The following PPP1R12A variants were observed in gnomAD, a reference collection of about 807,000 sequenced individuals.
The protein encoded by PPP1R12A is myosin binding subunit.
In PPP1R12A, 19 loss-of-function variants were observed where a neutral mutation model predicts 139.6. The ratio of observed to expected loss-of-function variants is 0.14; its 90% confidence interval spans 0.09 to 0.20. The LOEUF (loss-of-function observed/expected upper bound fraction) is 0.20. Among genes scored for constraint, PPP1R12A ranks in the 10% least tolerant of loss-of-function variants. PPP1R12A has a pLI of 1.00. For synonymous variants in PPP1R12A, 427 were observed against 420.6 expected (o/e 1.02, Z -0.19); for missense variants, 925 against 1,211.5 (o/e 0.76, Z 3.51).
chr12:79,789,778 CTT>C (rs5799442), intron 20 of PPP1R12A: 38,650 of 309,002 alleles, frequency 0.13, 1 homozygote, highest in South Asian at 0.18. Context: ...TTAGGTGACA[CTT>C]TTTTTTTTTT....
chr12:79,791,163 G>T (rs373163644), intron 19 of PPP1R12A, among the ~76,000 whole-genome samples: 2 of 152,068 alleles, frequency 1.3e-5, no homozygotes, highest in South Asian at 4.1e-4. Context: ...ATCAAATTCA[G>T]TAAAATGGCC....
intron 1 of PPP1R12A, among the ~76,000 whole-genome samples, chr12:79,907,853 C>T (rs1320822397): frequency 6.6e-6 from 1 of 152,166 alleles, no homozygotes. Context: ...AATTATGATC[C>T]TGCTGCTGTA....
intron 7 of PPP1R12A, 61 bp from the exon 8 acceptor site, chr12:79,820,992 C>A: frequency 6.3e-7 from 1 of 1,599,070 alleles, no homozygotes; most frequent in Non-Finnish European, 8.6e-7. Flanking sequence ...TATATTCATT[C>A]TTCCCAGATC....
chr12:79,809,560 G>A (rs6539474), intron 10 of PPP1R12A, among the ~76,000 whole-genome samples: 121,660 of 152,092 alleles, frequency 0.8, 50,571 homozygotes, highest in Non-Finnish European at 0.92. Flanking sequence ...CTCAAGTAAG[G>A]TAATAGATTC....
chr12:79,905,755 T>C (rs1044636882), intron 1 of PPP1R12A, among the ~76,000 whole-genome samples: 2 of 152,210 alleles, frequency 1.3e-5, no homozygotes, highest in African/African-American at 4.8e-5. Context: ...GAAGAAATCA[T>C]TGAATTGTGG....
At chr12:79,910,696 C>G (rs1291577208) in intron 1 of PPP1R12A, among the ~76,000 whole-genome samples, 3 of 152,122 alleles carry the variant, frequency 2.0e-5, no homozygotes, top group African/African-American at 4.8e-5. Context: ...ATAAACACAT[C>G]TAATTTCAAA....
At chr12:79,776,048 C>A (rs376089192) in intron 24 of PPP1R12A, 33 bp from the exon 25 acceptor site, 15 of 1,235,968 alleles carry the variant, frequency 1.2e-5, no homozygotes, top group Non-Finnish European at 1.6e-5. Flanking sequence ...TCAAGTTTTA[C>A]CTTCAATATT....
At chr12:79,842,482 T>G (rs1408078366) in intron 3 of PPP1R12A, among the ~76,000 whole-genome samples, 2 of 152,088 alleles carry the variant, frequency 1.3e-5, no homozygotes, top group African/African-American at 4.8e-5. Flanking sequence ...TTTCATACCA[T>G]TCCTCTATCA....
chr12:79,885,795 T>C (rs940038530), intron 1 of PPP1R12A, among the ~76,000 whole-genome samples: 3 of 152,184 alleles, frequency 2.0e-5, no homozygotes, highest in Admixed American at 2.0e-4. Context: ...ATAGGCAAAT[T>C]AGTTTGAATT....
chr12:79,838,289 C>T (rs1878322701), intron 3 of PPP1R12A, among the ~76,000 whole-genome samples: 1 of 152,156 alleles, frequency 6.6e-6, no homozygotes, highest in Non-Finnish European at 1.5e-5. Context: ...TTTAGGGTAT[C>T]TGATGAAAGA....
At chr12:79,847,585 C>A (rs1437919886) in intron 2 of PPP1R12A, among the ~76,000 whole-genome samples, 2 of 151,898 alleles carry the variant, frequency 1.3e-5, no homozygotes, top group African/African-American at 4.8e-5. Context: ...ATGCATCTGG[C>A]ACTATGTTAC....
chr12:79,860,008 G>A (rs900481192), intron 2 of PPP1R12A, among the ~76,000 whole-genome samples: 1 of 152,116 alleles, frequency 6.6e-6, no homozygotes, highest in African/African-American at 2.4e-5. Flanking sequence ...GAAGAAAAAT[G>A]CGTTAAGTGC....
chr12:79,841,068 A>AAAG (rs1555214907), intron 3 of PPP1R12A, among the ~76,000 whole-genome samples: 1 of 150,108 alleles, frequency 6.7e-6, no homozygotes, highest in African/African-American at 2.4e-5. Context: ...AAAAAAAAAA[A>AAAG]AGAGAGAGAG....
At chr12:79,856,390 T>C (rs1232973875) in intron 2 of PPP1R12A, among the ~76,000 whole-genome samples, 1 of 152,212 alleles carries the variant, frequency 6.6e-6, no homozygotes, top group East Asian at 1.9e-4. Flanking sequence ...AAATAGGTAA[T>C]CATAAAATAT....
chr12:79,794,362 C>A (rs575898805), intron 18 of PPP1R12A, among the ~76,000 whole-genome samples: 1 of 151,908 alleles, frequency 6.6e-6, no homozygotes, highest in African/African-American at 2.4e-5. Flanking sequence ...ATGGACAATG[C>A]GAAGATACTA....
intron 1 of PPP1R12A, among the ~76,000 whole-genome samples, chr12:79,930,545 G>T (rs1888175382): frequency 6.6e-6 from 1 of 152,210 alleles, no homozygotes; most frequent in Non-Finnish European, 1.5e-5. Flanking sequence ...GGCCGAGGCA[G>T]GTGGATCACC....
chr12:79,915,432 T>C (rs1886915918), intron 1 of PPP1R12A, among the ~76,000 whole-genome samples: 1 of 152,162 alleles, frequency 6.6e-6, no homozygotes, highest in Non-Finnish European at 1.5e-5. Flanking sequence ...GATGTGATCT[T>C]ACAATGCAGA....
intron 3 of PPP1R12A, among the ~76,000 whole-genome samples, chr12:79,837,760 A>C (rs1389822020): frequency 6.6e-6 from 1 of 152,114 alleles, no homozygotes; most frequent in Non-Finnish European, 1.5e-5. Context: ...CCGCCATGTG[A>C]AGAAGGACGT....
intron 1 of PPP1R12A, among the ~76,000 whole-genome samples, chr12:79,880,058 C>T (rs145837263): frequency 5.8e-4 from 88 of 152,174 alleles, no homozygotes; most frequent in African/African-American, 2.0e-3. Flanking sequence ...TCTCTGTTTA[C>T]GGCTAAATAT....
Sources: allele counts gnomAD v4.1 joint callset (sites outside exome capture counted in the v4.1 genomes callset), GRCh38; gene constraint gnomAD v4.1.1; transcripts MANE v1.5; gene names NCBI Gene and HGNC (gene_info 2026-07-23, HGNC 2026-07-21).